Variants in TMC1 observed in about 807,000 individuals in gnomAD.
The protein encoded by TMC1 is transmembrane channel-like protein 1.
In TMC1, 84 loss-of-function variants were observed where a neutral mutation model predicts 105.8. The observed-to-expected ratio is 0.79, with a 90% confidence interval of 0.67 to 0.95. TMC1 has a LOEUF of 0.95. Ranked by LOEUF, TMC1 falls within the 40% of genes least tolerant of loss-of-function variation. The pLI, the probability that TMC1 is intolerant of heterozygous loss-of-function variation, is 0.00. For missense variants in TMC1, 817 were observed against 914.1 expected, an observed-to-expected ratio of 0.89 and a Z score of 1.37; for synonymous variants, 315 against 311.5, an observed-to-expected ratio of 1.01 and a Z score of -0.12.
chr9:72,589,804 A>G (rs921077322), intron 2 of TMC1, among the ~76,000 whole-genome samples: 19 of 152,262 alleles, frequency 1.2e-4, no homozygotes, highest in African/African-American at 4.6e-4. Context: ...AAGGTCGTTT[A>G]GATGGAACTT....
intron 5 of TMC1, among the ~76,000 whole-genome samples, chr9:72,659,537 G>C (rs1439243623): frequency 6.6e-6 from 1 of 152,196 alleles, no homozygotes; most frequent in Non-Finnish European, 1.5e-5. Flanking sequence ...GGGTGGGTGA[G>C]GCATGAGAAT....
chr9:72,650,891 GAT>G (rs71495329), intron 5 of TMC1, among the ~76,000 whole-genome samples: 1 of 117,772 alleles, frequency 8.5e-6, no homozygotes, highest in African/African-American at 3.4e-5. Flanking sequence ...TAGATATATA[GAT>G]ATATATATAA....
At position 72,729,512 on chromosome 9, in the gene TMC1, G is replaced by C. The variant is rs1827172741; in HGVS notation, c.363-10607G>C. 2.6e-5 allele frequency among the ~76,000 whole-genome samples: 4 copies of C among 152,236 alleles called. No individual in the cohort carries two copies. In the South Asian group the frequency reaches 8.3e-4, roughly 32 times the overall value. On this transcript the variant is annotated intron_variant, in intron 8 of 23. Coordinates refer to ENST00000297784, the MANE Select transcript of TMC1 (RefSeq NM_138691.3). ...GTTATTTACCAAAGGCAATTATCAA[G>C]TATCAAAACATGCAGAGTACTTACT... is the stretch of plus-strand genomic sequence containing the variant.
chr9:72,776,497 T>A (rs1588078029), intron 13 of TMC1, among the ~76,000 whole-genome samples: 1 of 152,278 alleles, frequency 6.6e-6, no homozygotes, highest in Admixed American at 6.5e-5. Flanking sequence ...ATTTTACAGA[T>A]AATGAAATAA....
chr9:72,537,364 A>C (rs550816356), intron 1 of TMC1, among the ~76,000 whole-genome samples: 2 of 152,258 alleles, frequency 1.3e-5, no homozygotes, highest in African/African-American at 4.8e-5. Flanking sequence ...TGCATCCTTG[A>C]ATTCCTCTCC....
At chr9:72,669,181 C>T (rs1015537842) in intron 5 of TMC1, among the ~76,000 whole-genome samples, 7 of 151,958 alleles carry the variant, frequency 4.6e-5, no homozygotes, top group African/African-American at 9.7e-5. Flanking sequence ...TGGCGGCAGG[C>T]GCCTGTAATC....
intron 2 of TMC1, among the ~76,000 whole-genome samples, chr9:72,588,271 T>C (rs1207002920): frequency 1.3e-5 from 2 of 152,202 alleles, no homozygotes; most frequent in Non-Finnish European, 2.9e-5. Context: ...ACTTCAGGGA[T>C]GAAGCTAACA....
At chr9:72,547,164 G>C (rs1035999369) in intron 1 of TMC1, among the ~76,000 whole-genome samples, 1 of 151,956 alleles carries the variant, frequency 6.6e-6, no homozygotes, top group African/African-American at 2.4e-5. Context: ...GCGTGCGCCT[G>C]TAATCCCAGC....
intron 6 of TMC1, among the ~76,000 whole-genome samples, chr9:72,689,268 C>G (rs1417906948): frequency 7.3e-6 from 1 of 137,630 alleles, no homozygotes; most frequent in Non-Finnish European, 1.6e-5. Context: ...GGCAGGGACC[C>G]TCTTTGGAAT....
chr9:72,535,204 C>CA (rs933244799), intron 1 of TMC1, among the ~76,000 whole-genome samples: 15 of 152,278 alleles, frequency 9.9e-5, no homozygotes, highest in African/African-American at 3.1e-4. Context: ...CCAAGGGACT[C>CA]ATCTTTTCAG....
chr9:72,723,268 CAT>C (rs1349331860), intron 8 of TMC1, among the ~76,000 whole-genome samples: 1 of 142,116 alleles, frequency 7.0e-6, no homozygotes, highest in Non-Finnish European at 1.5e-5. Context: ...TGTTAGCATG[CAT>C]AGAGTTTCAG....
intron 19 of TMC1, among the ~76,000 whole-genome samples, chr9:72,819,858 C>T (rs1828841201): frequency 6.6e-6 from 1 of 152,102 alleles, no homozygotes; most frequent in Non-Finnish European, 1.5e-5. Context: ...AATAAGTGCA[C>T]ATATATCTTC....
At chr9:72,650,886 A>C (rs1238813529) in intron 5 of TMC1, among the ~76,000 whole-genome samples, 13 of 137,034 alleles carry the variant, frequency 9.5e-5, no homozygotes, top group Non-Finnish European at 1.4e-4. Flanking sequence ...ATATATAGAT[A>C]TATAGATATA....
intron 4 of TMC1, among the ~76,000 whole-genome samples, chr9:72,645,113 A>G (rs561444815): frequency 6.6e-6 from 1 of 152,326 alleles, no homozygotes; most frequent in African/African-American, 2.4e-5. Flanking sequence ...GACCATCCAC[A>G]TTAATTGATA....
At chr9:72,596,924 T>C (rs1216120180) in intron 2 of TMC1, among the ~76,000 whole-genome samples, 7 of 152,364 alleles carry the variant, frequency 4.6e-5, no homozygotes, top group African/African-American at 1.7e-4. Context: ...CTTCTAAGTA[T>C]GTACCATGAA....
chr9:72,818,050 G>A (rs1828814132), intron 19 of TMC1, among the ~76,000 whole-genome samples: 1 of 152,118 alleles, frequency 6.6e-6, no homozygotes, highest in African/African-American at 2.4e-5. Context: ...GAGGGAGGGG[G>A]ATGTCATGTA....
At chr9:72,670,430 C>G (rs1041003906) in intron 5 of TMC1, among the ~76,000 whole-genome samples, 4 of 152,038 alleles carry the variant, frequency 2.6e-5, no homozygotes, top group African/African-American at 9.7e-5. Flanking sequence ...TAAATATATA[C>G]CAGAACAAAG....
intron 17 of TMC1, among the ~76,000 whole-genome samples, chr9:72,804,231 C>T (rs951401184): frequency 2.0e-5 from 3 of 151,846 alleles, no homozygotes; most frequent in African/African-American, 7.3e-5. Flanking sequence ...GGAGCCTGGT[C>T]GGGGGTAAGG....
chr9:72,700,710 TTCCATA>T, intron 8 of TMC1, 67 bp downstream of exon 8: 1 of 542,410 alleles, frequency 1.8e-6, no homozygotes, highest in Non-Finnish European at 3.2e-6. Context: ...CCTCTGAATA[TTCCATA>T]TATATATATA....
Sources: gnomAD v4.1 joint callset for allele counts (sites outside exome capture counted in the v4.1 genomes callset) on GRCh38, gnomAD v4.1.1 for gene constraint, MANE v1.5 for transcripts, NCBI Gene and HGNC (gene_info 2026-07-23, HGNC 2026-07-21) for gene names.